Variants in PHF8 observed in about 807,000 individuals in gnomAD.
PHF8 encodes PHD finger protein 8.
In PHF8, 9 loss-of-function variants were observed where a neutral mutation model predicts 74.4. That is an observed-to-expected ratio of 0.12 (90% CI 0.07 to 0.21). PHF8 has a LOEUF of 0.21. Ranked by LOEUF, PHF8 falls within the 10% of genes least tolerant of loss-of-function variation. The probability of loss-of-function intolerance (pLI) is 1.00; values close to 1 mark genes in which losing one functional copy is unlikely to be tolerated. For missense variants in PHF8, 478 were observed against 816.6 expected, an observed-to-expected ratio of 0.59 and a Z score of 5.05; for synonymous variants, 311 against 316.6, an observed-to-expected ratio of 0.98 and a Z score of 0.19.
rs781868781 is a variant in PHF8, at chrX:54,011,465, T to C, written c.784-181A>G. 3.5e-5 allele frequency among the ~76,000 whole-genome samples: 4 copies of C among 112,878 alleles called. No individual in the cohort carries two copies. The South Asian group carries it at 1.5e-3, about 41-fold the overall frequency. On this transcript the variant is annotated intron_variant, in intron 7 of 21. Coordinates refer to ENST00000338154, the MANE Select transcript of PHF8 (RefSeq NM_015107.3). The stretch of plus-strand genomic sequence containing the variant: ...TTTGGAAAACTTCAAAAGGTCACTT[T>C]GCTTTTTGTACTTTTAAGTTTCTAT...
chrX:54,042,740 C>T lies in PHF8; in HGVS notation c.-12G>A. 1 of 1,203,705 alleles carries T rather than the reference C, an allele frequency of 8.3e-7. No homozygotes were observed. The highest frequency in any genetic ancestry group is 3.0e-5 in the East Asian group (1 of 33,580). Reference sequence around the variant, plus strand: ...GGCACCGAGGCCATCTTCGCTCGGCCCTGGAGCGTTCTGCGGCCGGCCAGG... The same window carrying T: ...GGCACCGAGGCCATCTTCGCTCGGCTCTGGAGCGTTCTGCGGCCGGCCAGG... On this transcript the variant is annotated 5_prime_UTR_variant, in exon 2 of 22. Coordinates refer to ENST00000338154, the MANE Select transcript of PHF8 (RefSeq NM_015107.3).
chrX:54,009,861 A>G (rs1407681928), intron 8 of PHF8, among the ~76,000 whole-genome samples: 12 of 85,779 alleles, frequency 1.4e-4, no homozygotes, highest in African/African-American at 7.2e-4. Flanking sequence ...AAAAAAAAAA[A>G]AAAAAAAAAA....
chrX:54,006,660 G>T (rs1165641246), intron 8 of PHF8, among the ~76,000 whole-genome samples: 1 of 111,672 alleles, frequency 9.0e-6, no homozygotes, highest in Non-Finnish European at 1.9e-5. Context: ...GACCGGCTGG[G>T]CCCTGTGGCT....
At position 54,014,648 on chromosome X, in the gene PHF8, A is replaced by G. The variant is rs2066032938; in HGVS notation, c.597-85T>C. 13 of 652,840 alleles carry G rather than the reference A, an allele frequency of 2.0e-5. No homozygotes were observed. In the East Asian group the frequency reaches 4.5e-4, roughly 23 times the overall value. 53.8% of individuals were successfully genotyped at this position (652,840 alleles called of 1,213,427 possible). A position where few individuals can be genotyped will look rare whatever the true frequency, so the allele number is the denominator to read the frequency against. Reference sequence around the variant, plus strand: ...GAATAAAATACCCCACAGTTCAGTGAGGGTCAGATAAGTCAGAGAACAAGT... The same window carrying G: ...GAATAAAATACCCCACAGTTCAGTGGGGGTCAGATAAGTCAGAGAACAAGT... On this transcript the variant is annotated intron_variant, in intron 6 of 21. Transcript: ENST00000338154.
At chrX:53,940,839 T>C (rs781936863) in intron 20 of PHF8, among the ~76,000 whole-genome samples, 2 of 112,636 alleles carry the variant, frequency 1.8e-5, no homozygotes, top group South Asian at 7.4e-4. Flanking sequence ...CTAATGATAA[T>C]AACTAAATTT....
At chrX:54,023,387 T>C (rs1440548415) in intron 2 of PHF8, among the ~76,000 whole-genome samples, 1 of 111,744 alleles carries the variant, frequency 8.9e-6, no homozygotes, top group Non-Finnish European at 1.9e-5. Context: ...ATCCTTTTTA[T>C]CTTATCTGTG....
chrX:53,988,144 C>T (rs1362673830), intron 14 of PHF8, among the ~76,000 whole-genome samples, 200 bp from the exon 15 acceptor site: 1 of 111,844 alleles, frequency 8.9e-6, no homozygotes, highest in Non-Finnish European at 1.9e-5. Context: ...TGAAAAAGAA[C>T]ATTGGATGAC....
intron 4 of PHF8, among the ~76,000 whole-genome samples, chrX:54,020,207 AT>A (rs199723821): frequency 0.014 from 1,558 of 112,279 alleles, 19 homozygotes; most frequent in African/African-American, 0.049. Context: ...AATAAATAAA[AT>A]AAAACAAACA....
chrX:54,011,003 C>T (rs1557106597), intron 8 of PHF8, 119 bp downstream of exon 8: 7 of 645,759 alleles, frequency 1.1e-5, no homozygotes, highest in Admixed American at 5.1e-5. Context: ...CCCAGTTCTG[C>T]GCCTTTCGCT....
intron 2 of PHF8, among the ~76,000 whole-genome samples, chrX:54,028,540 A>G (rs1219478723): frequency 9.0e-6 from 1 of 111,146 alleles, no homozygotes; most frequent in African/African-American, 3.3e-5. Context: ...CCAGGGCTCC[A>G]TGTGCCCTCT....
chrX:54,024,635 A>C, intron 2 of PHF8, among the ~76,000 whole-genome samples: 1 of 111,760 alleles, frequency 8.9e-6, no homozygotes, highest in Non-Finnish European at 1.9e-5. Context: ...AGCTTCTCCT[A>C]CGGGAAAATC....
chrX:53,979,933 G>A (rs1404158641), intron 18 of PHF8, among the ~76,000 whole-genome samples: 2 of 111,393 alleles, frequency 1.8e-5, no homozygotes, highest in Admixed American at 1.9e-4. Flanking sequence ...AGGCTACGGT[G>A]AGCCAAAATT....
intron 4 of PHF8, among the ~76,000 whole-genome samples, chrX:54,018,905 C>G (rs891719822): frequency 1.8e-4 from 20 of 111,803 alleles, no homozygotes; most frequent in Admixed American, 1.9e-4. Flanking sequence ...CAGGCATGAG[C>G]CACTGTGCCT....
upstream of PHF8, among the ~76,000 whole-genome samples, chrX:54,046,956 A>G (rs190533348): frequency 1.5e-4 from 17 of 112,365 alleles, no homozygotes; most frequent in Admixed American, 1.6e-3. Flanking sequence ...CTCCAACACC[A>G]CCTAATGCAA....
intron 4 of PHF8, among the ~76,000 whole-genome samples, chrX:54,018,371 C>T (rs1232733915): frequency 4.6e-5 from 5 of 109,449 alleles, no homozygotes; most frequent in Non-Finnish European, 7.6e-5. Context: ...GCAGGAAGAT[C>T]ACTTGAACCC....
intron 4 of PHF8, 81 bp from the exon 5 acceptor site, chrX:54,017,902 G>A: frequency 1.0e-6 from 1 of 971,382 alleles, no homozygotes. Flanking sequence ...TCACCCAAGA[G>A]GTGGGGTTTT....
chrX:54,025,121 C>T (rs1175841987), intron 2 of PHF8, among the ~76,000 whole-genome samples: 1 of 111,384 alleles, frequency 9.0e-6, no homozygotes, highest in African/African-American at 3.3e-5. Flanking sequence ...CGTGATCCGC[C>T]CGCCTCGGCC....
intron 2 of PHF8, among the ~76,000 whole-genome samples, chrX:54,037,010 A>G (rs782233090): frequency 1.8e-5 from 2 of 108,708 alleles, no homozygotes; most frequent in Non-Finnish European, 3.8e-5. Flanking sequence ...TAAAAAAAAA[A>G]AAAAAAAGAA....
chrX:53,936,680 T>C lies in PHF8; in HGVS notation c.*2478A>G, dbSNP rs782244036. On this transcript the variant is annotated 3_prime_UTR_variant, in exon 22 of 22. Transcript: ENST00000338154. ...AAAAAAAGAATGCCAAGCAAAGCAA[T>C]TGCCAAGATAAATCACTTTTATCTC... 5.4e-5 allele frequency: 6 copies of C among 110,260 alleles called. No individual in the cohort carries two copies. The highest frequency in any genetic ancestry group is 4.6e-3 in the Middle Eastern group (1 of 218). 9.1% of individuals were successfully genotyped at this position (110,260 alleles called of 1,213,427 possible).
Sources: gnomAD v4.1 joint callset for allele counts (sites outside exome capture counted in the v4.1 genomes callset) on GRCh38, gnomAD v4.1.1 for gene constraint, MANE v1.5 for transcripts, NCBI Gene and HGNC (gene_info 2026-07-23, HGNC 2026-07-21) for gene names.